The following SKI variants were observed in gnomAD, a reference collection of about 807,000 sequenced individuals.
SKI encodes the protein SKI proto-oncogene, also known as ski oncogene.
SKI carries 23 observed loss-of-function variants against 59.3 expected under a neutral mutation model. The ratio of observed to expected loss-of-function variants is 0.39; its 90% CI spans 0.28 to 0.55. The LOEUF is 0.55. Ranked by LOEUF, SKI falls within the 20% of genes least tolerant of loss-of-function variation. The probability of loss-of-function intolerance (pLI) is 0.67; values close to 1 mark genes in which losing one functional copy is unlikely to be tolerated. For synonymous variants in SKI, 673 were observed against 488.6 expected, an observed-to-expected ratio of 1.38 and a Z score of -4.98; for missense variants, 1,017 against 1,038.9, an observed-to-expected ratio of 0.98 and a Z score of 0.29.
chr1:2,228,366 C>T lies in SKI; in HGVS notation c.-401C>T, dbSNP rs1638548490. ...TCGGCCGCCGCGGCGATTCGCGCCT[C>T]GCGGCGCCGGCACCTGCCCGCGCGC... On this transcript the variant is annotated 5_prime_UTR_variant, in exon 1 of 7. Coordinates refer to ENST00000378536, the MANE Select transcript of SKI (RefSeq NM_003036.4). 8.4e-5 allele frequency among the ~76,000 whole-genome samples: 12 copies of T among 142,636 alleles called. No homozygotes were observed. 93.6% of individuals were successfully genotyped at this position (142,636 alleles called of 152,430 possible). A position where few individuals can be genotyped will look rare whatever the true frequency, so the allele number is the denominator to read the frequency against.
intron 1 of SKI, among the ~76,000 whole-genome samples, chr1:2,298,341 T>TGGTTGTCCCTGG (rs1640339181): frequency 6.6e-6 from 1 of 152,138 alleles, no homozygotes; most frequent in African/African-American, 2.4e-5. Flanking sequence ...AAGTTCCCTG[T>TGGTTGTCCCTGG]GGTTGTCCCT....
In SKI at chr1:2,271,402, C is replaced by T. The variant is rs926921958; in HGVS notation, c.970-31576C>T. 3.3e-5 allele frequency among the ~76,000 whole-genome samples: 5 copies of T among 151,870 alleles called. No individual in the cohort carries two copies. In the East Asian group the frequency reaches 5.8e-4, roughly 18 times the overall value. ...CCCCCACAGGAGCCTGTTATGGAGC[C>T]GCGTGGCGCCTGGGCTGGTGTCACC... On this transcript the variant is annotated intron_variant, in intron 1 of 6. Transcript: ENST00000378536.
At position 2,298,644 on chromosome 1, in the gene SKI, C is replaced by T. The variant is rs12064035; in HGVS notation, c.970-4334C>T. Among the ~76,000 whole-genome samples, 827 of 152,360 alleles carry T rather than the reference C, an allele frequency of 5.4e-3. 9 individuals are homozygous for T. The highest frequency in any genetic ancestry group is 0.019 in the African/African-American group (773 of 41,584). On this transcript the variant is annotated intron_variant, in intron 1 of 6. Coordinates refer to ENST00000378536, the MANE Select transcript of SKI (RefSeq NM_003036.4). The stretch of plus-strand genomic sequence containing the variant: ...AGTCTAAGGGGAGGCTGAAAACTCA[C>T]AGGCAGGCCTGTCTGGCCTTGGGGT...
At chr1:2,274,091 G>A (rs929427106) in intron 1 of SKI, among the ~76,000 whole-genome samples, 2 of 151,270 alleles carry the variant, frequency 1.3e-5, no homozygotes, top group African/African-American at 4.8e-5. Flanking sequence ...TTGGGTGAGC[G>A]CTCACACAGG....
rs1381058867 is a variant in SKI at position 2,307,211 on chromosome 1, C to T, written c.*446C>T. ...GCCCCACCCTCCCCACCCGGGGAAGCCATCACAGCTCATCTGCCCGCGGCT... is the reference window on the plus strand; with the variant it reads ...GCCCCACCCTCCCCACCCGGGGAAGTCATCACAGCTCATCTGCCCGCGGCT... On this transcript the variant is annotated 3_prime_UTR_variant, in exon 7 of 7. Transcript: ENST00000378536. 6.6e-6 allele frequency: 1 copy of T among 151,302 alleles called. No individual in the cohort carries two copies. The highest frequency in any genetic ancestry group is 1.5e-5 in the Non-Finnish European group (1 of 68,430). The allele number at this position is 151,302 out of a possible 1,614,324, so 9.4% of individuals were successfully genotyped here. A position where few individuals can be genotyped will look rare whatever the true frequency, so the allele number is the denominator to read the frequency against.
intron 1 of SKI, among the ~76,000 whole-genome samples, chr1:2,252,463 C>T (rs1262867547): frequency 1.3e-5 from 2 of 152,180 alleles, no homozygotes; most frequent in African/African-American, 4.8e-5. Flanking sequence ...TGCAGGGCCC[C>T]TTTATGTCAT....
chr1:2,262,317 C>G (rs1232770634), intron 1 of SKI, among the ~76,000 whole-genome samples: 1 of 128,558 alleles, frequency 7.8e-6, no homozygotes, highest in Admixed American at 8.3e-5. Context: ...TGGACACCCT[C>G]GCTCCTGATC....
chr1:2,287,486 G>A (rs974601850), intron 1 of SKI, among the ~76,000 whole-genome samples: 6 of 151,890 alleles, frequency 4.0e-5, no homozygotes, highest in East Asian at 1.9e-4. Flanking sequence ...ACAGGTGCCC[G>A]CCACCACGCC....
chr1:2,297,347 G>A (rs540928251), intron 1 of SKI, among the ~76,000 whole-genome samples: 99 of 152,326 alleles, frequency 6.5e-4, no homozygotes, highest in Middle Eastern at 3.4e-3. Flanking sequence ...GAACCTCAGC[G>A]TAGCAGAGTG....
At chr1:2,283,655 C>G (rs1639965604) in intron 1 of SKI, among the ~76,000 whole-genome samples, 1 of 152,182 alleles carries the variant, frequency 6.6e-6, no homozygotes, top group Non-Finnish European at 1.5e-5. Context: ...GGCCATCCAG[C>G]CCAGGGGGCT....
intron 1 of SKI, among the ~76,000 whole-genome samples, chr1:2,278,726 G>T (rs1056375299): frequency 4.6e-5 from 7 of 151,782 alleles, no homozygotes; most frequent in Non-Finnish European, 1.0e-4. Context: ...CTCTGGAGTG[G>T]CCCCTTCTGC....
chr1:2,268,645 A>G lies in SKI; in HGVS notation c.970-34333A>G, dbSNP rs369903112. Among the ~76,000 whole-genome samples, 11 of 152,192 alleles carry G rather than the reference A, an allele frequency of 7.2e-5. No individual in the cohort carries two copies. In the East Asian group the frequency reaches 1.9e-3, roughly 27 times the overall value. On this transcript the variant is annotated intron_variant, in intron 1 of 6. Coordinates refer to ENST00000378536, the MANE Select transcript of SKI (RefSeq NM_003036.4). The surrounding 1 kb of genome is among the most constrained non-coding windows in gnomAD (Gnocchi z 5.0). ...TTCCCTCACCATGGAGTTTCACCCA[A>G]TTTTCAGCTTTGACGGAGAAATGAG...
At chr1:2,290,353 G>A (rs909885229) in intron 1 of SKI, among the ~76,000 whole-genome samples, 1 of 152,180 alleles carries the variant, frequency 6.6e-6, no homozygotes, top group Non-Finnish European at 1.5e-5. Context: ...ATTGGGGGTA[G>A]GCCAGCCTTC....
chr1:2,271,061 T>C (rs906107524), intron 1 of SKI, among the ~76,000 whole-genome samples: 2 of 151,504 alleles, frequency 1.3e-5, no homozygotes, highest in East Asian at 3.9e-4. Flanking sequence ...TCTGTGGGGG[T>C]TGGAGGGATG....
At chr1:2,238,363 C>T (rs950990299) in intron 1 of SKI, among the ~76,000 whole-genome samples, 36 of 152,240 alleles carry the variant, frequency 2.4e-4, no homozygotes, top group African/African-American at 8.0e-4. Flanking sequence ...CTGTTCCCTG[C>T]GCTTCCCTGG....
intron 1 of SKI, among the ~76,000 whole-genome samples, chr1:2,290,388 G>A (rs1640134977): frequency 1.3e-5 from 2 of 152,150 alleles, no homozygotes; most frequent in African/African-American, 4.8e-5. Context: ...GGGAACTGAG[G>A]GGACACAGCC....
rs77227502 is a variant in SKI at position 2,285,870 on chromosome 1, GTTTTTTT to G, written c.970-17093_970-17087del. 1.2e-4 allele frequency among the ~76,000 whole-genome samples: 12 copies of G among 102,710 alleles called. No individual in the cohort carries two copies. The East Asian group carries it at 3.2e-3, about 28-fold the overall frequency. 67.4% of individuals were successfully genotyped at this position (102,710 alleles called of 152,430 possible). A position where few individuals can be genotyped will look rare whatever the true frequency, so the allele number is the denominator to read the frequency against. ...CGTGAGCCACCGCACCAGCCAGAAGGTTTTTTTTTTTTTTTTTTTTTGAAACGGAGTC... is the reference window on the plus strand; with the variant it reads ...CGTGAGCCACCGCACCAGCCAGAAGGTTTTTTTTTTTTTTGAAACGGAGTC... On this transcript the variant is annotated intron_variant, in intron 1 of 6. Coordinates refer to ENST00000378536, the MANE Select transcript of SKI (RefSeq NM_003036.4).
chr1:2,283,831 C>T (rs377012322), intron 1 of SKI, among the ~76,000 whole-genome samples: 70 of 152,312 alleles, frequency 4.6e-4, no homozygotes, highest in African/African-American at 1.6e-3. Flanking sequence ...GTTTTCATGG[C>T]GAGAAAACAT....
rs1487220517 is a variant in SKI, at chr1:2,308,158, A to C, written c.*1393A>C. Reference sequence around the variant, plus strand: ...TCCTACAGTTACGGTATTTATTTACATAAGAAGATCTTACAGGAGTTCTTT... The same window carrying C: ...TCCTACAGTTACGGTATTTATTTACCTAAGAAGATCTTACAGGAGTTCTTT... On this transcript the variant is annotated 3_prime_UTR_variant, in exon 7 of 7. Coordinates refer to ENST00000378536, the MANE Select transcript of SKI (RefSeq NM_003036.4). 6.6e-6 allele frequency: 1 copy of C among 152,254 alleles called. No individual in the cohort carries two copies. The highest frequency in any genetic ancestry group is 2.4e-5 in the African/African-American group (1 of 41,464). The allele number at this position is 152,254 out of a possible 1,614,324, so 9.4% of individuals were successfully genotyped here.
Sources: allele counts gnomAD v4.1 joint callset (sites outside exome capture counted in the v4.1 genomes callset), GRCh38; gene constraint gnomAD v4.1.1; non-coding constraint Gnocchi (gnomAD v3.1); transcripts MANE v1.5; gene names NCBI Gene and HGNC (gene_info 2026-07-23, HGNC 2026-07-21).